GLIS3: variants seen among roughly 807,000 people sequenced by gnomAD.
GLIS3 encodes the protein GLIS family zinc finger 3.
In GLIS3, 53 loss-of-function variants were observed where a neutral mutation model predicts 78.6. The observed-to-expected ratio is 0.67, with a 90% CI of 0.54 to 0.85. The LOEUF (loss-of-function observed/expected upper bound fraction) is 0.85. Ranked by LOEUF, GLIS3 falls within the 40% of genes least tolerant of loss-of-function variation. GLIS3 has a pLI of 0.00. For synonymous variants in GLIS3, 684 were observed against 509.9 expected, an observed-to-expected ratio of 1.34 and a Z score of -4.60; for missense variants, 1,703 against 1,231.1, an observed-to-expected ratio of 1.38 and a Z score of -5.74.
chr9:3,995,268 C>T lies in GLIS3; in HGVS notation c.1711-58079G>A, dbSNP rs79145461. On this transcript the variant is annotated intron_variant, in intron 4 of 10. Coordinates refer to ENST00000381971, the MANE Select transcript of GLIS3 (RefSeq NM_001042413.2). ...TTCATGTTTCTCATGTGGTCCAAAA[C>T]ACTCAAAAACTGATATTTTAGTTTA... Among the ~76,000 whole-genome samples the T allele has an allele frequency of 3.9e-3, 599 of 152,172 alleles. 3 individuals are homozygous for T. Among genetic ancestry groups the T allele is most frequent in the African/African-American group, 0.014 (576 of 41,526 alleles).
chr9:4,162,854 CAAAAAAAAA>C (rs35310357), intron 2 of GLIS3, among the ~76,000 whole-genome samples: 7 of 73,878 alleles, frequency 9.5e-5, no homozygotes, highest in East Asian at 8.9e-4. Flanking sequence ...CTCGCTCTGT[CAAAAAAAAA>C]AAAAAAAAAA....
At chr9:4,468,185 A>G in the GLIS3 span, among the ~76,000 whole-genome samples, 1 of 152,256 alleles carries the variant, frequency 6.6e-6, no homozygotes, top group African/African-American at 2.4e-5. Flanking sequence ...TGACGGGCAG[A>G]GTGGAACCAA....
At chr9:4,327,164 G>C (rs538007937) in intron 2 of GLIS3, among the ~76,000 whole-genome samples, 1 of 152,234 alleles carries the variant, frequency 6.6e-6, no homozygotes, top group East Asian at 1.9e-4. Flanking sequence ...GTGTAGAGGT[G>C]AGAAGGGAGA....
chr9:4,047,493 C>A (rs532721606), intron 4 of GLIS3, among the ~76,000 whole-genome samples: 2 of 152,166 alleles, frequency 1.3e-5, no homozygotes, highest in African/African-American at 4.8e-5. Context: ...CCTGTTACTG[C>A]TCTGAATTAC....
intron 4 of GLIS3, among the ~76,000 whole-genome samples, chr9:4,025,986 T>C (rs1270353266): frequency 1.3e-5 from 2 of 152,214 alleles, no homozygotes; most frequent in African/African-American, 4.8e-5. Context: ...AGGTAATGTT[T>C]AAAAGTAGAA....
intron 4 of GLIS3, among the ~76,000 whole-genome samples, chr9:3,982,593 A>G (rs1819392803): frequency 6.6e-6 from 1 of 152,208 alleles, no homozygotes; most frequent in African/African-American, 2.4e-5. Flanking sequence ...AAAATTTGCT[A>G]TATATTTAAT....
intron 7 of GLIS3, among the ~76,000 whole-genome samples, chr9:3,880,032 C>G (rs894369994): frequency 6.6e-6 from 1 of 152,118 alleles, no homozygotes; most frequent in African/African-American, 2.4e-5. Context: ...CAGTGAGCCA[C>G]GGTAGGTCAG....
At chr9:4,223,095 CCT>C (rs1821471991) in intron 2 of GLIS3, among the ~76,000 whole-genome samples, 1 of 152,134 alleles carries the variant, frequency 6.6e-6, no homozygotes, top group Non-Finnish European at 1.5e-5. Flanking sequence ...CAAGCAGAAA[CCT>C]TTTCATATTT....
intron 2 of GLIS3, among the ~76,000 whole-genome samples, chr9:4,311,974 G>A (rs562633774): frequency 6.6e-6 from 1 of 152,114 alleles, no homozygotes; most frequent in Non-Finnish European, 1.5e-5. Context: ...AGACAGTGGG[G>A]TCCACCCAAT....
chr9:4,395,018 G>A, the GLIS3 span, among the ~76,000 whole-genome samples: 1 of 152,080 alleles, frequency 6.6e-6, no homozygotes, highest in Non-Finnish European at 1.5e-5. Flanking sequence ...TTAAAAATTC[G>A]GAACCACGAA....
intron 3 of GLIS3, among the ~76,000 whole-genome samples, chr9:4,120,324 C>A (rs1832078674): frequency 6.6e-6 from 1 of 152,178 alleles, no homozygotes; most frequent in Non-Finnish European, 1.5e-5. Context: ...GAGATGTTAC[C>A]ATCGAGTGAA....
At chr9:4,285,363 C>G (rs900835272) in intron 2 of GLIS3, among the ~76,000 whole-genome samples, 4 of 152,080 alleles carry the variant, frequency 2.6e-5, no homozygotes, top group Admixed American at 1.3e-4. Flanking sequence ...GTAATTAAAA[C>G]ACTAATGAAT....
the GLIS3 span, among the ~76,000 whole-genome samples, chr9:4,453,992 A>G: frequency 1.0e-3 from 152 of 151,784 alleles, no homozygotes; most frequent in African/African-American, 3.6e-3. Context: ...AACTTAAAGT[A>G]TAATAAAAAT....
At chr9:4,391,247 A>C in the GLIS3 span, among the ~76,000 whole-genome samples, 2 of 152,172 alleles carry the variant, frequency 1.3e-5, no homozygotes, top group Non-Finnish European at 2.9e-5. Context: ...CATGGGGGGT[A>C]CCTCACCTCC....
At chr9:4,230,080 G>C (rs1472508255) in intron 2 of GLIS3, among the ~76,000 whole-genome samples, 1 of 152,220 alleles carries the variant, frequency 6.6e-6, no homozygotes, top group Non-Finnish European at 1.5e-5. Flanking sequence ...TCAAAGAAAG[G>C]CCGACGGGCC....
At chr9:4,312,918 G>A (rs531832593) in intron 2 of GLIS3, among the ~76,000 whole-genome samples, 7 of 152,324 alleles carry the variant, frequency 4.6e-5, no homozygotes, top group East Asian at 1.9e-4. Flanking sequence ...GTAACACTAC[G>A]AGGTTGGTAA....
chr9:4,163,650 C>T (rs928731292), intron 2 of GLIS3, among the ~76,000 whole-genome samples: 7 of 152,124 alleles, frequency 4.6e-5, no homozygotes, highest in East Asian at 3.8e-4. Context: ...CTTATATATG[C>T]GGGCCAGTCA....
intron 4 of GLIS3, among the ~76,000 whole-genome samples, chr9:3,990,618 A>T (rs1204592226): frequency 6.6e-6 from 1 of 152,128 alleles, no homozygotes; most frequent in African/African-American, 2.4e-5. Context: ...GATTGTGTGA[A>T]TCCCTACTTC....
intron 2 of GLIS3, among the ~76,000 whole-genome samples, chr9:4,161,092 A>AG (rs1443852259): frequency 1.3e-4 from 20 of 150,758 alleles, no homozygotes; most frequent in East Asian, 3.9e-4. Flanking sequence ...AAAAAAAAAA[A>AG]AAAGAAAGAA....
Sources: gnomAD v4.1 joint callset for allele counts (sites outside exome capture counted in the v4.1 genomes callset) on GRCh38, gnomAD v4.1.1 for gene constraint, MANE v1.5 for transcripts, NCBI Gene and HGNC (gene_info 2026-07-23, HGNC 2026-07-21) for gene names.